The following ACACA variants were observed in gnomAD, a reference collection of about 807,000 sequenced individuals.
The protein encoded by ACACA is acetyl-CoA carboxylase alpha.
Under a neutral mutation model 296.1 loss-of-function variants are expected in ACACA, and 103 were observed. The observed-to-expected ratio is 0.35, with a 90% CI of 0.30 to 0.41. The LOEUF is 0.41. ACACA is among the 10% of genes least tolerant of loss of function. The pLI is 1.00. For synonymous variants in ACACA, 953 were observed against 1,038.6 expected (o/e 0.92, Z 1.58); for missense variants, 1,554 against 2,989.7 (o/e 0.52, Z 11.20).
At chr17:37,326,916 T>A (rs1305552497) in intron 3 of ACACA, among the ~76,000 whole-genome samples, 2 of 152,146 alleles carry the variant, frequency 1.3e-5, no homozygotes, top group Non-Finnish European at 2.9e-5. Context: ...ATCATCTCCA[T>A]CGCAGGAAAA....
rs750241633 is a variant in ACACA, at chr17:37,263,668, C to A, written c.1329+17G>T. On this transcript the variant is annotated intron_variant, in intron 11 of 55. Coordinates refer to ENST00000616317, the MANE Select transcript of ACACA (RefSeq NM_198834.3). The stretch of plus-strand genomic sequence containing the variant: ...TCTATGTAAGAAAACATAAAGTAAG[C>A]CTTTTAATATATGTACCTGTTCCAT... 1.2e-6 allele frequency: 2 copies of A among 1,602,740 alleles called. No individual in the cohort carries two copies. The highest frequency in any genetic ancestry group is 1.3e-5 in the African/African-American group (1 of 74,646).
chr17:37,185,734 A>G (rs2077507841), intron 39 of ACACA, among the ~76,000 whole-genome samples: 1 of 150,942 alleles, frequency 6.6e-6, no homozygotes, highest in Admixed American at 6.6e-5. Context: ...ACTCCCGGCT[A>G]ATTTTTGTAT....
chr17:37,396,984 C>T (rs1428267858), intron 1 of ACACA, among the ~76,000 whole-genome samples: 7 of 152,052 alleles, frequency 4.6e-5, no homozygotes, highest in African/African-American at 1.4e-4. Flanking sequence ...GTTTGCTGCA[C>T]CCATTAACTC....
At chr17:37,308,394 TCTA>T (rs1207966242) in intron 3 of ACACA, among the ~76,000 whole-genome samples, 2 of 152,144 alleles carry the variant, frequency 1.3e-5, no homozygotes, top group East Asian at 3.8e-4. Context: ...TTGATAAATT[TCTA>T]CTAAGACTGA....
At chr17:37,142,073 G>T (rs1305491722) in intron 45 of ACACA, among the ~76,000 whole-genome samples, 3 of 151,152 alleles carry the variant, frequency 2.0e-5, no homozygotes, top group Non-Finnish European at 4.4e-5. Context: ...ATTCATAATA[G>T]GTTGTCAAAC....
intron 2 of ACACA, among the ~76,000 whole-genome samples, chr17:37,331,950 C>A (rs2047905562): frequency 6.6e-6 from 1 of 151,014 alleles, no homozygotes; most frequent in Admixed American, 6.6e-5. Flanking sequence ...TTAAATTATG[C>A]ATTTTAAAAT....
intron 39 of ACACA, among the ~76,000 whole-genome samples, chr17:37,185,402 CTTTTTTTTTTT>C (rs67821579): frequency 7.4e-4 from 36 of 48,438 alleles, no homozygotes; most frequent in East Asian, 4.5e-3. Flanking sequence ...CTGGCTATTT[CTTTTTTTTTTT>C]TTTTTTTTTT....
Position 37,277,758 on chromosome 17 carries a change from G to A in ACACA, c.720+138C>T, listed in dbSNP as rs192030958. The stretch of plus-strand genomic sequence containing the variant: ...TTTCCATCTTTCTTTTCCTTATTTG[G>A]TTTAGTTATCCCATACACAGGCATT... On this transcript the variant is annotated intron_variant, in intron 6 of 55. Transcript: ENST00000616317. 9 of 676,664 alleles carry A rather than the reference G, an allele frequency of 1.3e-5. No homozygotes were observed. The East Asian group carries it at 1.9e-4, about 14-fold the overall frequency. The allele number at this position is 676,664 out of a possible 1,614,324, so 41.9% of individuals were successfully genotyped here. A position where few individuals can be genotyped will look rare whatever the true frequency, so the allele number is the denominator to read the frequency against.
chr17:37,333,937 C>T (rs1468119453), intron 2 of ACACA, among the ~76,000 whole-genome samples: 1 of 151,704 alleles, frequency 6.6e-6, no homozygotes, highest in Non-Finnish European at 1.5e-5. Flanking sequence ...AGGTAATAAA[C>T]GTTCATGAAA....
rs144032201 is a variant in ACACA, at chr17:37,310,780, C to G, written c.338+19393G>C. On this transcript the variant is annotated intron_variant, in intron 3 of 55. Coordinates refer to ENST00000616317, the MANE Select transcript of ACACA (RefSeq NM_198834.3). ...TTGCACTCTACCCTGGGCAACAGAGCGAGACACCATCTCAAAAAAAAAAAA... is the reference window on the plus strand; with the variant it reads ...TTGCACTCTACCCTGGGCAACAGAGGGAGACACCATCTCAAAAAAAAAAAA... Among the ~76,000 whole-genome samples, 8 of 124,654 alleles carry G rather than the reference C, an allele frequency of 6.4e-5. No individual in the cohort carries two copies. The East Asian group carries it at 1.5e-3, about 23-fold the overall frequency. The allele number at this position is 124,654 out of a possible 152,430, so 81.8% of individuals were successfully genotyped here.
chr17:37,167,712 AAAG>A, intron 41 of ACACA, among the ~76,000 whole-genome samples: 1 of 151,900 alleles, frequency 6.6e-6, no homozygotes, highest in Non-Finnish European at 1.5e-5. Flanking sequence ...AAAAAAAAAA[AAAG>A]AGGTCTGTGG....
At chr17:37,219,381 G>C (rs1170663539) in intron 29 of ACACA, among the ~76,000 whole-genome samples, 1 of 152,140 alleles carries the variant, frequency 6.6e-6, no homozygotes, top group Non-Finnish European at 1.5e-5. Context: ...TGTAGTGCTT[G>C]AACTCTGTGA....
At chr17:37,172,226 C>T (rs1032975031) in intron 41 of ACACA, among the ~76,000 whole-genome samples, 1 of 152,128 alleles carries the variant, frequency 6.6e-6, no homozygotes, top group African/African-American at 2.4e-5. Flanking sequence ...CTGAGGAGCC[C>T]TCCACAAGTA....
intron 35 of ACACA, 113 bp downstream of exon 35, chr17:37,200,026 A>C: frequency 2.5e-6 from 2 of 787,214 alleles, no homozygotes; most frequent in South Asian, 3.3e-5. Context: ...TAATTTCTAA[A>C]AGAAGAAGGA....
chr17:37,191,572 T>C lies in ACACA; in HGVS notation c.4417-297A>G, dbSNP rs114939111. Among the ~76,000 whole-genome samples the C allele has an allele frequency of 1.0e-3, 155 of 152,316 alleles. 1 individual carries two copies. The highest frequency in any genetic ancestry group is 3.5e-3 in the African/African-American group (146 of 41,574). On this transcript the variant is annotated intron_variant, in intron 37 of 55. Transcript: ENST00000616317. Reference sequence around the variant, plus strand: ...GTTCAATAGGATGATATTTCACATATGCCAAACAGAGCTATTTAGAAAGGA... The same window carrying C: ...GTTCAATAGGATGATATTTCACATACGCCAAACAGAGCTATTTAGAAAGGA...
Position 37,087,368 on chromosome 17 carries a change from T to C in ACACA, c.7100A>G (p.Gln2367Arg), listed in dbSNP as rs767043398. The C allele has an allele frequency of 1.9e-6, 3 of 1,614,020 alleles. No homozygotes were observed. Among genetic ancestry groups the C allele is most frequent in the Non-Finnish European group, 2.5e-6 (3 of 1,180,032 alleles). The change falls in exon 56 of 56, where the codon CAG (glutamine) becomes CGG (arginine). Residue 2367 changes from glutamine to arginine, a missense_variant. Gln to Arg is a conservative substitution (Grantham distance 43). Transcript: ENST00000616317. Reference protein sequence around the residue: ...IHMTQHISPTQRAEVIRILST... With the variant: ...IHMTQHISPTRRAEVIRILST... ...GAGGATCCGTATGACTTCTGCTCGC[T>C]GAGTGGGTGATATGTGCTGCGTCAT...
At chr17:37,129,930 A>C in intron 46 of ACACA, 145 bp downstream of exon 46, 3 of 1,230,798 alleles carry the variant, frequency 2.4e-6, no homozygotes, top group South Asian at 1.3e-5. Flanking sequence ...GCTGTAAGGA[A>C]AAGAGAAATC....
intron 1 of ACACA, among the ~76,000 whole-genome samples, chr17:37,397,812 A>G (rs2051129355): frequency 6.6e-6 from 1 of 152,194 alleles, no homozygotes; most frequent in Non-Finnish European, 1.5e-5. Flanking sequence ...GGTGCAGTGT[A>G]GCAACAGGTG....
intron 45 of ACACA, among the ~76,000 whole-genome samples, chr17:37,132,076 T>C (rs2075124663): frequency 3.9e-5 from 6 of 152,214 alleles, no homozygotes; most frequent in Admixed American, 2.6e-4. Flanking sequence ...CACTCAGCTT[T>C]CTGCTCTGCT....
Sources: gnomAD v4.1 joint callset for allele counts (sites outside exome capture counted in the v4.1 genomes callset) on GRCh38, gnomAD v4.1.1 for gene constraint, MANE v1.5 for transcripts, NCBI Gene and HGNC (gene_info 2026-07-23, HGNC 2026-07-21) for gene names.